Variants in EGR3 observed in about 807,000 individuals in gnomAD.
The protein encoded by EGR3 is early growth response 3, also known as early growth response protein 3.
EGR3 carries 4 observed loss-of-function variants against 22.4 expected under a neutral mutation model. The observed-to-expected ratio is 0.18, with a 90% confidence interval of 0.09 to 0.41. The LOEUF (loss-of-function observed/expected upper bound fraction) is 0.41, where lower values mean the gene tolerates loss of function less well. Among genes scored for constraint, EGR3 ranks in the 10% least tolerant of loss-of-function variants. The pLI is 1.00. For synonymous variants in EGR3, 219 were observed against 226.8 expected, an observed-to-expected ratio of 0.97 and a Z score of 0.31; for missense variants, 315 against 541.3, an observed-to-expected ratio of 0.58 and a Z score of 4.15.
chr8:22,691,724 C>G (rs934945827), intron 1 of EGR3: 1 of 985,128 alleles, frequency 1.0e-6, no homozygotes. Context: ...GCGCACAAGC[C>G]GCGCACACAC....
rs1361003333 is a variant in EGR3 at position 22,692,635 on chromosome 8, G to T, written c.154+156C>A. On this transcript the variant is annotated intron_variant, in intron 1 of 1. Transcript: ENST00000317216. The surrounding 1 kb of genome is among the most constrained non-coding windows in gnomAD (Gnocchi z 6.2). Reference sequence around the variant, plus strand: ...ACTCGCCCCCCGCAAAATTCCCAGCGCGCCCCCATCTCTCCATCCATTTAT... The same window carrying T: ...ACTCGCCCCCCGCAAAATTCCCAGCTCGCCCCCATCTCTCCATCCATTTAT... The T allele has an allele frequency of 3.5e-6, 5 of 1,429,594 alleles. No homozygotes were observed. Among genetic ancestry groups the T allele is most frequent in the Non-Finnish European group, 4.6e-6 (5 of 1,087,800 alleles). 88.6% of individuals were successfully genotyped at this position (1,429,594 alleles called of 1,614,324 possible).
rs1027873202 is a variant in EGR3, at chr8:22,690,292, T to A, written c.*181A>T. 2.1e-5 allele frequency: 13 copies of A among 614,016 alleles called. No homozygotes were observed. The Admixed American group carries it at 3.9e-4, about 19-fold the overall frequency. The allele number at this position is 614,016 out of a possible 1,614,324, so 38.0% of individuals were successfully genotyped here. A position where few individuals can be genotyped will look rare whatever the true frequency, so the allele number is the denominator to read the frequency against. ...GGAAGGCGCCTCCAGCCCTGGCCCCTGACCGCTGGCCGGCGTGAAAGGTTG... is the reference window on the plus strand; with the variant it reads ...GGAAGGCGCCTCCAGCCCTGGCCCCAGACCGCTGGCCGGCGTGAAAGGTTG... On this transcript the variant is annotated 3_prime_UTR_variant, in exon 2 of 2. Coordinates refer to ENST00000317216, the MANE Select transcript of EGR3 (RefSeq NM_004430.3).
chr8:22,692,534 A>AGTT lies in EGR3; in HGVS notation c.154+256_154+257insAAC. Reference sequence around the variant, plus strand: ...TCGGCGGCTGCCCCCACCCGGGAGAACCGAAGCCTCTACCGTGGCGTCGCC... The same window carrying AGTT: ...TCGGCGGCTGCCCCCACCCGGGAGAAGTTCCGAAGCCTCTACCGTGGCGTCGCC... On this transcript the variant is annotated intron_variant, in intron 1 of 1. Coordinates refer to ENST00000317216, the MANE Select transcript of EGR3 (RefSeq NM_004430.3). The surrounding 1 kb of genome is among the most constrained non-coding windows in gnomAD (Gnocchi z 6.2). 1 of 1,411,460 alleles carries AGTT rather than the reference A, an allele frequency of 7.1e-7. No individual in the cohort carries two copies. The highest frequency in any genetic ancestry group is 2.6e-5 in the East Asian group (1 of 38,114). 87.4% of individuals were successfully genotyped at this position (1,411,460 alleles called of 1,614,324 possible). A position where few individuals can be genotyped will look rare whatever the true frequency, so the allele number is the denominator to read the frequency against.
chr8:22,691,905 C>T, intron 1 of EGR3: 1 of 1,225,476 alleles, frequency 8.2e-7, no homozygotes, highest in Non-Finnish European at 1.0e-6. Context: ...CGCTCCAGGA[C>T]GCCGCGCCTT....
At position 22,690,444 on chromosome 8, in the gene EGR3, G is replaced by A. The variant is rs773060036; in HGVS notation, c.*29C>T. 1.3e-5 allele frequency: 21 copies of A among 1,567,114 alleles called. No homozygotes were observed. Among genetic ancestry groups the A allele is most frequent in the Admixed American group, 5.2e-5 (3 of 57,312 alleles). On this transcript the variant is annotated 3_prime_UTR_variant, in exon 2 of 2. Transcript: ENST00000317216. ...GCTAGCAGCCGGGAGGCACTGGAGG[G>A]GAAAAGTGGGGATCTGGGGGCCCGA...
Position 22,693,072 on chromosome 8 carries a change from A to T in EGR3, c.-128T>A. 6.8e-5 allele frequency: 10 copies of T among 146,910 alleles called. No homozygotes were observed. Among genetic ancestry groups the T allele is most frequent in the East Asian group, 3.1e-4 (1 of 3,230 alleles). 9.1% of individuals were successfully genotyped at this position (146,910 alleles called of 1,614,324 possible). A position where few individuals can be genotyped will look rare whatever the true frequency, so the allele number is the denominator to read the frequency against. ...CAGGGGAAAAGCATGCGAGAGGGAA[A>T]GTTCGGGGGGAGGGGGGAGGGAAGA... On this transcript the variant is annotated 5_prime_UTR_variant, in exon 1 of 2. Transcript: ENST00000317216.
Position 22,691,443 on chromosome 8 carries a change from T to C in EGR3, c.194A>G (p.Asn65Ser), listed in dbSNP as rs1224710321. The C allele has an allele frequency of 2.5e-6, 4 of 1,613,962 alleles. No homozygotes were observed. The highest frequency in any genetic ancestry group is 2.7e-5 in the African/African-American group (2 of 74,904). ...GGAGCCGGAGTAAGAGAGTTCCGGG[T>C]TGGGCTTCTCGTTGGTCAGACCGAT... ...MDIGLTNEKPNPELSYSGSFQ... is the reference protein window; with the variant it reads ...MDIGLTNEKPSPELSYSGSFQ... The change falls in exon 2 of 2, where the codon AAC (asparagine) becomes AGC (serine). Residue 65 changes from asparagine (N) to serine (S), a missense_variant. Asn to Ser is a conservative substitution (Grantham distance 46). This residue lies in a region of EGR3 where 227 missense variants were observed against 303.6 expected (regional missense o/e 0.75). Coordinates refer to ENST00000317216, the MANE Select transcript of EGR3 (RefSeq NM_004430.3).
In EGR3 at chr8:22,691,112, A is replaced by T. The variant is rs780687434; in HGVS notation, c.525T>A (p.Asp175Glu). The stretch of plus-strand genomic sequence containing the variant: ...CCAACGCCGGCTTGGCCGATTGGTA[A>T]TCCTGGGGGGAATAGGCGAGCCCGG... Reference protein sequence around the residue: ...GNPGLAYSPQDYQSAKPALDS... With the variant: ...GNPGLAYSPQEYQSAKPALDS... The change falls in exon 2 of 2, where the codon GAT (aspartate) becomes GAA (glutamate). Residue 175 changes from aspartate to glutamate, a missense_variant. By Grantham distance (45) the Asp-to-Glu change is conservative. Coordinates refer to ENST00000317216, the MANE Select transcript of EGR3 (RefSeq NM_004430.3). The T allele has an allele frequency of 3.7e-6, 6 of 1,613,974 alleles. No individual in the cohort carries two copies. In the East Asian group the frequency reaches 1.3e-4, roughly 36 times the overall value.
In EGR3 at chr8:22,692,567, C is replaced by T. The variant is rs1804007355; in HGVS notation, c.154+224G>A. 1.4e-6 allele frequency: 2 copies of T among 1,433,104 alleles called. No homozygotes were observed. The highest frequency in any genetic ancestry group is 1.8e-6 in the Non-Finnish European group (2 of 1,097,016). 88.8% of individuals were successfully genotyped at this position (1,433,104 alleles called of 1,614,324 possible). A position where few individuals can be genotyped will look rare whatever the true frequency, so the allele number is the denominator to read the frequency against. Reference sequence around the variant, plus strand: ...CTCTACCGTGGCGTCGCCAACCTAGCCTTCTCGATCGAGGAGGGCGGGAGG... The same window carrying T: ...CTCTACCGTGGCGTCGCCAACCTAGTCTTCTCGATCGAGGAGGGCGGGAGG... On this transcript the variant is annotated intron_variant, in intron 1 of 1. Coordinates refer to ENST00000317216, the MANE Select transcript of EGR3 (RefSeq NM_004430.3). This position sits in a 1 kb window ranked among gnomAD's most constrained non-coding sequence, Gnocchi z 6.2.
rs1237974174 is a variant in EGR3, at chr8:22,693,090, A to T, written c.-146T>A. 1 of 130,968 alleles carries T rather than the reference A, an allele frequency of 7.6e-6. No individual in the cohort carries two copies. Among genetic ancestry groups the T allele is most frequent in the Non-Finnish European group, 1.4e-5 (1 of 69,440 alleles). 8.1% of individuals were successfully genotyped at this position (130,968 alleles called of 1,614,324 possible). A position where few individuals can be genotyped will look rare whatever the true frequency, so the allele number is the denominator to read the frequency against. On this transcript the variant is annotated 5_prime_UTR_variant, in exon 1 of 2. Transcript: ENST00000317216. ...GAGGGAAAGTTCGGGGGGAGGGGGG[A>T]GGGAAGAAGGGAAGGGATGGGCCAG...
rs1043234693 is a variant in EGR3 at position 22,692,056 on chromosome 8, G to C, written c.155-574C>G. On this transcript the variant is annotated intron_variant, in intron 1 of 1. Transcript: ENST00000317216. This position sits in a 1 kb window ranked among gnomAD's most constrained non-coding sequence, Gnocchi z 6.2. The stretch of plus-strand genomic sequence containing the variant: ...CACCTACCCCGGCCCCAGCCTCCTC[G>C]GGCATGAAGGAGCTTTAGGCTCTTG... 5 of 1,316,852 alleles carry C rather than the reference G, an allele frequency of 3.8e-6. No individual in the cohort carries two copies. The highest frequency in any genetic ancestry group is 4.8e-6 in the Non-Finnish European group (5 of 1,035,096). The allele number at this position is 1,316,852 out of a possible 1,614,324, so 81.6% of individuals were successfully genotyped here.
Position 22,691,208 on chromosome 8 carries a change from C to G in EGR3, c.429G>C (p.Ala143=). The part of the protein sequence containing the change: ...PQGDVEAMYP[A]LPPYSNCGDL... Reference sequence around the variant, plus strand: ...CGCCGCAGTTGGAGTAGGGGGGTAGCGCGGGATACATGGCCTCCACGTCAC... The same window carrying G: ...CGCCGCAGTTGGAGTAGGGGGGTAGGGCGGGATACATGGCCTCCACGTCAC... Residue 143 remains alanine, a synonymous_variant, in exon 2 of 2, where the codon GCG becomes GCC. Coordinates refer to ENST00000317216, the MANE Select transcript of EGR3 (RefSeq NM_004430.3). The G allele has an allele frequency of 6.2e-7, 1 of 1,613,892 alleles. No homozygotes were observed. The highest frequency in any genetic ancestry group is 1.3e-5 in the African/African-American group (1 of 75,008).
chr8:22,692,406 C>T lies in EGR3; in HGVS notation c.154+385G>A. 6.9e-7 allele frequency: 1 copy of T among 1,440,924 alleles called. No individual in the cohort carries two copies. The highest frequency in any genetic ancestry group is 1.4e-5 in the African/African-American group (1 of 69,248). 89.3% of individuals were successfully genotyped at this position (1,440,924 alleles called of 1,614,324 possible). A position where few individuals can be genotyped will look rare whatever the true frequency, so the allele number is the denominator to read the frequency against. ...GGTGAAAAAGACGCCGGGCTCCTCCCGGGAAGAGGGCGACAGCACCACGCC... is the reference window on the plus strand; with the variant it reads ...GGTGAAAAAGACGCCGGGCTCCTCCTGGGAAGAGGGCGACAGCACCACGCC... On this transcript the variant is annotated intron_variant, in intron 1 of 1. Coordinates refer to ENST00000317216, the MANE Select transcript of EGR3 (RefSeq NM_004430.3). The surrounding 1 kb of genome is among the most constrained non-coding windows in gnomAD (Gnocchi z 6.2).
chr8:22,692,610 AC>A lies in EGR3; in HGVS notation c.154+180del. On this transcript the variant is annotated intron_variant, in intron 1 of 1. Transcript: ENST00000317216. This position sits in a 1 kb window ranked among gnomAD's most constrained non-coding sequence, Gnocchi z 6.2. ...GCGGGAGGAGTGGGTGGGAAAAGCA[AC>A]TCGCCCCCCGCAAAATTCCCAGCGC... 1 of 1,440,612 alleles carries A rather than the reference AC, an allele frequency of 6.9e-7. No individual in the cohort carries two copies. The highest frequency in any genetic ancestry group is 9.1e-7 in the Non-Finnish European group (1 of 1,097,114). The allele number at this position is 1,440,612 out of a possible 1,614,324, so 89.2% of individuals were successfully genotyped here. A position where few individuals can be genotyped will look rare whatever the true frequency, so the allele number is the denominator to read the frequency against.
In EGR3 at chr8:22,691,058, G is replaced by A; in HGVS notation, c.579C>T (p.Asp193=). 1.2e-6 allele frequency: 2 copies of A among 1,611,776 alleles called. No individual in the cohort carries two copies. Among genetic ancestry groups the A allele is most frequent in the Non-Finnish European group, 1.7e-6 (2 of 1,178,238 alleles). ...LDSNLFPMIP[D]YNLYHHPNDM... is the part of the protein sequence containing the mutation. ...CGTTGGGGTGGTGGTAGAGGTTGTA[G>A]TCAGGAATCATGGGGAAGAGATTGC... The change falls in exon 2 of 2, where the codon GAC becomes GAT. Residue 193 remains aspartate (D), a synonymous_variant. Coordinates refer to ENST00000317216, the MANE Select transcript of EGR3 (RefSeq NM_004430.3).
Position 22,691,292 on chromosome 8 carries a change from C to T in EGR3, c.345G>A (p.Pro115=), listed in dbSNP as rs979115535. 2 of 1,613,958 alleles carry T rather than the reference C, an allele frequency of 1.2e-6. No individual in the cohort carries two copies. Among genetic ancestry groups the T allele is most frequent in the Non-Finnish European group, 1.7e-6 (2 of 1,180,010 alleles). Residue 115 remains proline, a synonymous_variant, in exon 2 of 2, where the codon CCG becomes CCA. Coordinates refer to ENST00000317216, the MANE Select transcript of EGR3 (RefSeq NM_004430.3). ...LMSAGILGVP[P]ASGALSTQTS... is the part of the protein sequence containing the mutation. ...TCTGCGTGCTGAGCGCCCCTGAAGC[C>T]GGGGGCACCCCCAAGATGCCGGCGC... is the stretch of plus-strand genomic sequence containing the variant.
chr8:22,690,997 C>T lies in EGR3; in HGVS notation c.640G>A (p.Gly214Ser), dbSNP rs1803932324. 6.3e-7 allele frequency: 1 copy of T among 1,580,748 alleles called. No individual in the cohort carries two copies. The highest frequency in any genetic ancestry group is 1.7e-5 in the Admixed American group (1 of 58,218). The change falls in exon 2 of 2, where the codon GGC (glycine) becomes AGC (serine). Residue 214 changes from glycine to serine, a missense_variant. Gly to Ser is a moderately conservative substitution (Grantham distance 56, BLOSUM62 0). Coordinates refer to ENST00000317216, the MANE Select transcript of EGR3 (RefSeq NM_004430.3). Reference sequence around the variant, plus strand: ...GGGTTGACCCGGATGGGGTCCATGCCCTGGAAGGGCTTGTGCTCCGGAATG... The same window carrying T: ...GGGTTGACCCGGATGGGGTCCATGCTCTGGAAGGGCTTGTGCTCCGGAATG... ...GSIPEHKPFQ[G>S]MDPIRVNPPP...
intron 1 of EGR3, 77 bp from the exon 2 acceptor site, chr8:22,691,559 C>G (rs1251495916): frequency 6.4e-7 from 1 of 1,556,434 alleles, no homozygotes; most frequent in Non-Finnish European, 8.7e-7. Context: ...AGGTCCTTGC[C>G]CAGGTGCGGA....
rs149985274 is a variant in EGR3 at position 22,688,832 on chromosome 8, C to T, written c.*1641G>A. The T allele has an allele frequency of 7.6e-3, 1,153 of 152,714 alleles. 8 individuals carry two copies. Among genetic ancestry groups the T allele is most frequent in the Non-Finnish European group, 0.011 (741 of 68,028 alleles). 9.5% of individuals were successfully genotyped at this position (152,714 alleles called of 1,614,324 possible). A position where few individuals can be genotyped will look rare whatever the true frequency, so the allele number is the denominator to read the frequency against. On this transcript the variant is annotated 3_prime_UTR_variant, in exon 2 of 2. Coordinates refer to ENST00000317216, the MANE Select transcript of EGR3 (RefSeq NM_004430.3). ...AAGGAGCCACCCTGTACGAGAAGGG[C>T]TGGCAGGACAGCTGGGGAAGAGGGG...
Sources: allele counts gnomAD v4.1 joint callset, GRCh38; gene constraint gnomAD v4.1.1; regional missense constraint gnomAD v4.1.1; non-coding constraint Gnocchi (gnomAD v3.1); transcripts MANE v1.5; gene names NCBI Gene and HGNC (gene_info 2026-07-23, HGNC 2026-07-21).